GRID1: variants seen among roughly 807,000 people sequenced by gnomAD.
GRID1 encodes the protein glutamate ionotropic receptor delta type subunit 1.
In GRID1, 28 loss-of-function variants were observed where a neutral mutation model predicts 98.0. The ratio of observed to expected loss-of-function variants is 0.29; its 90% CI spans 0.21 to 0.39. The LOEUF (loss-of-function observed/expected upper bound fraction) is 0.39. Among genes scored for constraint, GRID1 ranks in the 10% least tolerant of loss-of-function variants. GRID1 has a pLI of 1.00. For synonymous variants in GRID1, 553 were observed against 538.5 expected (o/e 1.03, Z -0.37); for missense variants, 1,111 against 1,340.5 (o/e 0.83, Z 2.67).
intron 2 of GRID1, among the ~76,000 whole-genome samples, chr10:86,268,143 G>A (rs1029759127): frequency 6.6e-6 from 1 of 152,190 alleles, no homozygotes; most frequent in South Asian, 2.1e-4. Context: ...AGACACACAC[G>A]GGGCATCTGA....
At chr10:86,278,070 T>C (rs980536549) in intron 2 of GRID1, among the ~76,000 whole-genome samples, 4 of 152,112 alleles carry the variant, frequency 2.6e-5, no homozygotes, top group Non-Finnish European at 5.9e-5. Flanking sequence ...TTCTTATCAA[T>C]AACTACTTTA....
intron 14 of GRID1, among the ~76,000 whole-genome samples, chr10:85,616,142 G>A (rs752973587): frequency 5.3e-5 from 8 of 152,222 alleles, no homozygotes; most frequent in Non-Finnish European, 1.0e-4. Context: ...ACATTGACCA[G>A]TAGCCTTATC....
chr10:85,959,529 T>A (rs1225137838), intron 4 of GRID1, among the ~76,000 whole-genome samples: 1 of 150,904 alleles, frequency 6.6e-6, no homozygotes, highest in Non-Finnish European at 1.5e-5. Context: ...CCAGCCAGTC[T>A]CCCACCCGCC....
At chr10:86,032,997 G>A (rs1843208335) in intron 4 of GRID1, among the ~76,000 whole-genome samples, 1 of 151,662 alleles carries the variant, frequency 6.6e-6, no homozygotes, top group Non-Finnish European at 1.5e-5. Context: ...AAATATCTGT[G>A]AGAGGGAGGG....
chr10:86,014,399 AT>A (rs1842956596), intron 4 of GRID1, among the ~76,000 whole-genome samples: 1 of 152,232 alleles, frequency 6.6e-6, no homozygotes. Context: ...CATAGACTGG[AT>A]GTTTTCAGAT....
chr10:85,694,876 T>C (rs1200084386), intron 12 of GRID1, among the ~76,000 whole-genome samples: 2 of 151,562 alleles, frequency 1.3e-5, no homozygotes, highest in Non-Finnish European at 2.9e-5. Flanking sequence ...ATTATTTGAG[T>C]GATGGTAAGA....
At chr10:85,708,610 A>T (rs1208524829) in intron 12 of GRID1, 1 of 152,258 alleles carries the variant, frequency 6.6e-6, no homozygotes, top group Admixed American at 6.5e-5. Context: ...TGATCATTTC[A>T]TATTGGCAAA....
At chr10:85,751,147 T>C (rs149527980) in intron 8 of GRID1, among the ~76,000 whole-genome samples, 218 of 152,290 alleles carry the variant, frequency 1.4e-3, no homozygotes, top group African/African-American at 5.0e-3. Flanking sequence ...GAGCCATGAA[T>C]GTATAAGAAT....
At chr10:85,869,836 T>A (rs1203874727) in intron 5 of GRID1, among the ~76,000 whole-genome samples, 1 of 152,172 alleles carries the variant, frequency 6.6e-6, no homozygotes, top group Non-Finnish European at 1.5e-5. Context: ...CTATGTGCTG[T>A]CTATATTGAC....
intron 2 of GRID1, among the ~76,000 whole-genome samples, chr10:86,334,975 A>G (rs145931051): frequency 6.6e-6 from 1 of 152,386 alleles, no homozygotes; most frequent in Non-Finnish European, 1.5e-5. Context: ...TTGCTGCTGC[A>G]TGGTGCTTTG....
intron 2 of GRID1, among the ~76,000 whole-genome samples, chr10:86,313,448 T>C (rs1437460611): frequency 3.9e-5 from 6 of 152,096 alleles, no homozygotes; most frequent in African/African-American, 1.2e-4. Context: ...CTGTCATGCA[T>C]AGGAAATGTT....
intron 4 of GRID1, among the ~76,000 whole-genome samples, chr10:85,949,115 G>A (rs138731185): frequency 6.6e-6 from 1 of 152,162 alleles, no homozygotes; most frequent in African/African-American, 2.4e-5. Context: ...ACTCTGACAG[G>A]TGTGGGGTGC....
At chr10:85,747,031 G>C (rs1842003787) in intron 8 of GRID1, among the ~76,000 whole-genome samples, 1 of 152,072 alleles carries the variant, frequency 6.6e-6, no homozygotes, top group African/African-American at 2.4e-5. Context: ...ACAAAGTATT[G>C]TCACACATAA....
intron 4 of GRID1, among the ~76,000 whole-genome samples, chr10:85,983,030 C>T (rs1455601379): frequency 2.6e-5 from 4 of 152,188 alleles, no homozygotes; most frequent in Non-Finnish European, 5.9e-5. Flanking sequence ...ATCCAATTAG[C>T]CAATTTGGGG....
At chr10:85,907,904 T>A (rs1841484771) in intron 5 of GRID1, among the ~76,000 whole-genome samples, 1 of 152,202 alleles carries the variant, frequency 6.6e-6, no homozygotes, top group Non-Finnish European at 1.5e-5. Context: ...TAATTCAGCA[T>A]ATTAATAAAC....
chr10:86,006,100 T>G (rs1254747896), intron 4 of GRID1, among the ~76,000 whole-genome samples: 1 of 152,182 alleles, frequency 6.6e-6, no homozygotes, highest in African/African-American at 2.4e-5. Context: ...TCTATAGCAA[T>G]TAAGCAATGG....
At chr10:86,331,916 T>C (rs1184843042) in intron 2 of GRID1, among the ~76,000 whole-genome samples, 3 of 152,186 alleles carry the variant, frequency 2.0e-5, no homozygotes, top group Non-Finnish European at 4.4e-5. Flanking sequence ...TGTGCAGAGA[T>C]GTATCAGACA....
intron 2 of GRID1, among the ~76,000 whole-genome samples, chr10:86,346,488 G>A (rs185421579): frequency 6.6e-4 from 100 of 152,322 alleles, no homozygotes; most frequent in African/African-American, 2.1e-3. Context: ...AGAGATAAAC[G>A]TCTCTGAGTA....
chr10:85,718,307 T>A (rs535045574), intron 12 of GRID1, among the ~76,000 whole-genome samples: 86 of 152,186 alleles, frequency 5.7e-4, no homozygotes, highest in African/African-American at 2.0e-3. Flanking sequence ...TTTCTACACA[T>A]CTTCTGAAAT....
Sources: allele counts gnomAD v4.1 joint callset (sites outside exome capture counted in the v4.1 genomes callset), GRCh38; gene constraint gnomAD v4.1.1; transcripts MANE v1.5; gene names NCBI Gene and HGNC (gene_info 2026-07-23, HGNC 2026-07-21).